The following PTPRN2 variants were observed in gnomAD, a reference collection of about 807,000 sequenced individuals.
The protein encoded by PTPRN2 is protein tyrosine phosphatase receptor type N2.
In PTPRN2, 74 loss-of-function variants were observed where a neutral mutation model predicts 118.8. The ratio of observed to expected loss-of-function variants is 0.62; its 90% CI spans 0.52 to 0.76. PTPRN2 has a LOEUF of 0.76. PTPRN2 is among the 30% of genes least tolerant of loss of function. The pLI is 0.00. For synonymous variants in PTPRN2, 641 were observed against 608.0 expected (o/e 1.05, Z -0.80); for missense variants, 1,481 against 1,394.4 (o/e 1.06, Z -0.99).
intron 1 of PTPRN2, among the ~76,000 whole-genome samples, chr7:158,521,141 AATTTT>A (rs1434646195): frequency 5.9e-5 from 9 of 152,190 alleles, no homozygotes; most frequent in Non-Finnish European, 1.0e-4. Flanking sequence ...GTCATACTAT[AATTTT>A]ATTTGTATTA....
chr7:157,776,380 CACTCT>C (rs1803250593), intron 12 of PTPRN2, among the ~76,000 whole-genome samples: 75 of 101,308 alleles, frequency 7.4e-4, no homozygotes, highest in Non-Finnish European at 1.2e-3. Flanking sequence ...TCTTCTTCCT[CACTCT>C]CCTCCTCCTC....
intron 12 of PTPRN2, among the ~76,000 whole-genome samples, chr7:157,888,532 C>T (rs549083534): frequency 6.6e-6 from 1 of 152,138 alleles, no homozygotes; most frequent in Non-Finnish European, 1.5e-5. Context: ...CTCTGCCCCA[C>T]CAGCCCATCC....
At chr7:157,601,790 T>C (rs1801683268) in intron 16 of PTPRN2, among the ~76,000 whole-genome samples, 1 of 152,240 alleles carries the variant, frequency 6.6e-6, no homozygotes, top group South Asian at 2.1e-4. Context: ...ACTCTCGTCT[T>C]TTAGGCTTGT....
intron 14 of PTPRN2, among the ~76,000 whole-genome samples, chr7:157,637,045 T>C (rs1423003136): frequency 1.3e-5 from 2 of 152,262 alleles, no homozygotes; most frequent in African/African-American, 4.8e-5. Context: ...TGAACAAATG[T>C]ATTTGCAAAT....
chr7:158,265,877 A>G (rs1366034968), intron 3 of PTPRN2, among the ~76,000 whole-genome samples: 1 of 152,186 alleles, frequency 6.6e-6, no homozygotes, highest in African/African-American at 2.4e-5. Flanking sequence ...TGGAACACAG[A>G]ATCAGAGTCT....
intron 13 of PTPRN2, chr7:157,669,679 G>C: frequency 5.3e-6 from 2 of 376,898 alleles, no homozygotes; most frequent in South Asian, 2.0e-5. Context: ...AAAAATTAAA[G>C]ATATAGACAT....
chr7:157,863,524 A>C (rs369958525), intron 12 of PTPRN2: 115 of 152,308 alleles, frequency 7.6e-4, no homozygotes, highest in African/African-American at 2.5e-3. Flanking sequence ...TTATACCACC[A>C]ACTGGTTTTC....
intron 12 of PTPRN2, among the ~76,000 whole-genome samples, chr7:157,835,046 C>G (rs1048048316): frequency 6.6e-6 from 1 of 152,184 alleles, no homozygotes; most frequent in Non-Finnish European, 1.5e-5. Context: ...GGATAGATTT[C>G]TCTTCTCTTC....
In PTPRN2 at chr7:157,575,132, C is replaced by T. The variant is rs557764168; in HGVS notation, c.2783+1481G>A. ...CCATATATGGATATGGACATAGCAA[C>T]GTGCCCATATGCATATACGTGCAAA... On this transcript the variant is annotated intron_variant, in intron 19 of 22. Transcript: ENST00000389418. Among the ~76,000 whole-genome samples, 5 of 152,270 alleles carry T rather than the reference C, an allele frequency of 3.3e-5. No individual in the cohort carries two copies. The South Asian group carries it at 6.2e-4, about 19-fold the overall frequency.
chr7:157,895,855 C>T (rs961155828), intron 12 of PTPRN2, among the ~76,000 whole-genome samples: 4 of 152,116 alleles, frequency 2.6e-5, no homozygotes, highest in Admixed American at 6.5e-5. Context: ...AACCTGCACA[C>T]GACCCAGTGG....
chr7:158,244,811 A>T (rs997806060), intron 3 of PTPRN2, among the ~76,000 whole-genome samples: 1 of 141,998 alleles, frequency 7.0e-6, no homozygotes, highest in Non-Finnish European at 1.5e-5. Context: ...TGTGTGTGAG[A>T]GTGTGTATGA....
At chr7:157,695,357 A>C (rs1226059939) in intron 12 of PTPRN2, among the ~76,000 whole-genome samples, 3 of 152,140 alleles carry the variant, frequency 2.0e-5, no homozygotes, top group Non-Finnish European at 4.4e-5. Flanking sequence ...GTCTAAATCA[A>C]TTTTGTTTTT....
At chr7:157,682,591 G>A in intron 13 of PTPRN2, 134 bp downstream of exon 13, 2 of 887,980 alleles carry the variant, frequency 2.3e-6, no homozygotes, top group Non-Finnish European at 3.6e-6. Flanking sequence ...GTTCCAAACT[G>A]TCCTCATAAA....
intron 11 of PTPRN2, among the ~76,000 whole-genome samples, chr7:158,068,431 G>A (rs1342278429): frequency 6.6e-6 from 1 of 152,240 alleles, no homozygotes; most frequent in Non-Finnish European, 1.5e-5. Flanking sequence ...CTGCTGAGGA[G>A]GTGGGTGCCC....
chr7:158,113,675 C>A (rs1352622500), intron 9 of PTPRN2, among the ~76,000 whole-genome samples: 1 of 152,160 alleles, frequency 6.6e-6, no homozygotes, highest in Non-Finnish European at 1.5e-5. Context: ...GAGGGTAGTT[C>A]TTGGGGGTTA....
intron 3 of PTPRN2, among the ~76,000 whole-genome samples, chr7:158,243,303 A>G (rs1193049223): frequency 6.6e-6 from 1 of 152,148 alleles, no homozygotes; most frequent in African/African-American, 2.4e-5. Context: ...AAAATTAATC[A>G]ATGCAAGAGG....
At chr7:158,108,063 C>G (rs1014369727) in intron 10 of PTPRN2, among the ~76,000 whole-genome samples, 4 of 151,956 alleles carry the variant, frequency 2.6e-5, no homozygotes, top group African/African-American at 9.7e-5. Context: ...TAGCCCCTTC[C>G]TACTGCATTC....
chr7:158,381,684 G>A (rs148893778), intron 2 of PTPRN2, among the ~76,000 whole-genome samples: 4,745 of 152,124 alleles, frequency 0.031, 235 homozygotes, highest in African/African-American at 0.11. Context: ...CCACTCTACC[G>A]GTACCAATTT....
chr7:158,503,932 C>T (rs990235216), intron 1 of PTPRN2, among the ~76,000 whole-genome samples: 14 of 149,370 alleles, frequency 9.4e-5, no homozygotes, highest in African/African-American at 3.0e-4. Context: ...ACCCGGGAGT[C>T]GGAGGTTGCA....
Sources: allele counts gnomAD v4.1 joint callset (sites outside exome capture counted in the v4.1 genomes callset), GRCh38; gene constraint gnomAD v4.1.1; transcripts MANE v1.5; gene names NCBI Gene and HGNC (gene_info 2026-07-23, HGNC 2026-07-21).